Variants in ABLIM1 observed in about 807,000 individuals in gnomAD.
The protein encoded by ABLIM1 is actin binding LIM protein 1, also known as actin-binding LIM protein 1.
Under a neutral mutation model 107.0 loss-of-function variants are expected in ABLIM1, and 40 were observed. The ratio of observed to expected loss-of-function variants is 0.37; its 90% CI spans 0.29 to 0.49. The LOEUF is 0.49. Among genes scored for constraint, ABLIM1 ranks in the 20% least tolerant of loss-of-function variants. The pLI is 0.97. For synonymous variants in ABLIM1, 357 were observed against 357.3 expected, an observed-to-expected ratio of 1.00 and a Z score of 0.01; for missense variants, 857 against 1,008.5, an observed-to-expected ratio of 0.85 and a Z score of 2.04.
At chr10:114,755,788 C>T (rs1355661942) in intron 1 of ABLIM1, among the ~76,000 whole-genome samples, 2 of 152,222 alleles carry the variant, frequency 1.3e-5, no homozygotes, top group African/African-American at 4.8e-5. Flanking sequence ...CAGGTTCAAG[C>T]CAGCTCTGCT....
At chr10:114,437,571 G>A (rs1479545392) in intron 22 of ABLIM1, among the ~76,000 whole-genome samples, 4 of 151,762 alleles carry the variant, frequency 2.6e-5, no homozygotes, top group South Asian at 2.1e-4. Context: ...TGCCTACCTC[G>A]GCCTCCTAAA....
chr10:114,798,562 C>CCCA, the ABLIM1 span, among the ~76,000 whole-genome samples: 37 of 147,530 alleles, frequency 2.5e-4, 2 homozygotes, highest in Non-Finnish European at 4.1e-4. Context: ...TGAGACCCCC[C>CCCA]CCCCATGTCT....
the ABLIM1 span, among the ~76,000 whole-genome samples, chr10:114,781,648 GTATATATATATGCGTGTATA>G: frequency 8.0e-6 from 1 of 125,348 alleles, no homozygotes; most frequent in Non-Finnish European, 1.7e-5. Context: ...GTGTGTGTGT[GTATATATATATGCGTGTATA>G]TATATATATA....
At chr10:114,445,689 T>C (rs2060915437) in intron 15 of ABLIM1, among the ~76,000 whole-genome samples, 1 of 152,216 alleles carries the variant, frequency 6.6e-6, no homozygotes, top group Non-Finnish European at 1.5e-5. Flanking sequence ...TGCAACTTAG[T>C]CTAAGTTCAC....
At position 114,668,782 on chromosome 10, in the gene ABLIM1, G is replaced by A. The variant is rs78587924; in HGVS notation, c.64+15508C>T. 5.9e-5 allele frequency among the ~76,000 whole-genome samples: 9 copies of A among 152,350 alleles called. No homozygotes were observed. The East Asian group carries it at 1.5e-3, about 26-fold the overall frequency. On this transcript the variant is annotated intron_variant, in intron 1 of 23. Coordinates refer to the ABLIM1 transcript ENST00000369256. ...AGGTAACAATGAGCTAATTTCAGAT[G>A]TAATAAGAAGCTTAAGAGGTCATCA... is the stretch of plus-strand genomic sequence containing the variant.
At chr10:114,710,284 A>G (rs1335656504) in intron 1 of ABLIM1, among the ~76,000 whole-genome samples, 1 of 152,204 alleles carries the variant, frequency 6.6e-6, no homozygotes, top group African/African-American at 2.4e-5. Context: ...TAATAAAGAC[A>G]TACCCAAAAT....
At chr10:114,581,724 C>G (rs374058266) in intron 2 of ABLIM1, among the ~76,000 whole-genome samples, 21 of 152,138 alleles carry the variant, frequency 1.4e-4, no homozygotes, top group African/African-American at 4.8e-4. Context: ...GCCAGGTGGT[C>G]AGCTCTTCTC....
At chr10:114,797,630 T>C in the ABLIM1 span, among the ~76,000 whole-genome samples, 2 of 152,340 alleles carry the variant, frequency 1.3e-5, no homozygotes, top group Admixed American at 6.5e-5. Context: ...TATTCCTCTA[T>C]TGATTTCCTC....
chr10:114,536,227 G>GTTT (rs536435789), intron 6 of ABLIM1, among the ~76,000 whole-genome samples: 1 of 56,222 alleles, frequency 1.8e-5, no homozygotes, highest in African/African-American at 8.5e-5. Context: ...TTCTTTCTTT[G>GTTT]TTTTTTTTTT....
chr10:114,441,443 T>C (rs1249063809), intron 18 of ABLIM1, among the ~76,000 whole-genome samples: 1 of 152,262 alleles, frequency 6.6e-6, no homozygotes, highest in Admixed American at 6.5e-5. Flanking sequence ...TTTTGTTTCA[T>C]TGTAAAAAAT....
chr10:114,458,533 A>G (rs2063268164), intron 12 of ABLIM1, among the ~76,000 whole-genome samples: 2 of 152,204 alleles, frequency 1.3e-5, no homozygotes, highest in South Asian at 4.1e-4. Context: ...TACATCCCCA[A>G]ATATAAATGA....
chr10:114,648,924 C>A (rs1208259536), intron 1 of ABLIM1, among the ~76,000 whole-genome samples: 1 of 151,394 alleles, frequency 6.6e-6, no homozygotes, highest in Non-Finnish European at 1.5e-5. Flanking sequence ...AAAGTTTCAC[C>A]CGAGCTGAAT....
At chr10:114,582,391 C>T (rs1222558859) in intron 2 of ABLIM1, among the ~76,000 whole-genome samples, 1 of 152,152 alleles carries the variant, frequency 6.6e-6, no homozygotes, top group Non-Finnish European at 1.5e-5. Context: ...ACATTCCATG[C>T]TCATGGATTG....
At position 114,436,285 on chromosome 10, in the gene ABLIM1, A is replaced by G. The variant is rs1470493333; in HGVS notation, c.2312T>C (p.Met771Thr). The G allele has an allele frequency of 4.3e-6, 7 of 1,613,424 alleles. No individual in the cohort carries two copies. The highest frequency in any genetic ancestry group is 5.9e-6 in the Non-Finnish European group (7 of 1,179,842). ...DRLPLWRRND[M>T]KKKAKLF The stretch of plus-strand genomic sequence containing the variant: ...TTAGAAGAGTTTTGCTTTTTTCTTC[A>G]TGTCGTTGCGTCTCCAAAGAGGTAA... Residue 771 changes from methionine to threonine, a missense_variant, in exon 23 of 23, where the codon ATG (methionine) becomes ACG (threonine). Met to Thr is a moderately conservative substitution (Grantham distance 81). Transcript: ENST00000533213.
At chr10:114,636,546 C>A (rs758106851) in intron 1 of ABLIM1, among the ~76,000 whole-genome samples, 6 of 152,134 alleles carry the variant, frequency 3.9e-5, no homozygotes, top group Non-Finnish European at 8.8e-5. Context: ...TAGGAAGTGT[C>A]TATCCATTTA....
At chr10:114,704,581 T>C (rs1230608581) in intron 1 of ABLIM1, among the ~76,000 whole-genome samples, 3 of 146,294 alleles carry the variant, frequency 2.1e-5, no homozygotes, top group African/African-American at 5.1e-5. Flanking sequence ...ATGCTTCATA[T>C]CACTTTCTAT....
At chr10:114,670,949 T>C (rs1000141329) in intron 1 of ABLIM1, among the ~76,000 whole-genome samples, 1 of 152,226 alleles carries the variant, frequency 6.6e-6, no homozygotes, top group Non-Finnish European at 1.5e-5. Context: ...ATATCTTACC[T>C]ACAAAGTTCA....
At chr10:114,544,971 G>A (rs764070541) in intron 6 of ABLIM1, 34 bp downstream of exon 6, 11 of 1,594,584 alleles carry the variant, frequency 6.9e-6, no homozygotes, top group Non-Finnish European at 7.7e-6. Context: ...GAGAAAGATG[G>A]CGGTAGCTAT....
At chr10:114,737,353 A>G (rs2082201337) in intron 1 of ABLIM1, among the ~76,000 whole-genome samples, 1 of 152,160 alleles carries the variant, frequency 6.6e-6, no homozygotes, top group Non-Finnish European at 1.5e-5. Context: ...AATTTTGGAG[A>G]ACCACTTTTT....
Sources: gnomAD v4.1 joint callset for allele counts (sites outside exome capture counted in the v4.1 genomes callset) on GRCh38, gnomAD v4.1.1 for gene constraint, MANE v1.5 for transcripts, NCBI Gene and HGNC (gene_info 2026-07-23, HGNC 2026-07-21) for gene names.